The following BABAM2 variants were observed in gnomAD, a reference collection of about 807,000 sequenced individuals.
The protein encoded by BABAM2 is BRISC and BRCA1-A complex member 2.
A neutral mutation model predicts 54.7 loss-of-function variants in BABAM2; 31 were observed. That is an observed-to-expected ratio of 0.57 (90% CI 0.43 to 0.77). The LOEUF is 0.77. Among genes scored for constraint, BABAM2 ranks in the 30% least tolerant of loss-of-function variants. The pLI, the probability that BABAM2 is intolerant of heterozygous loss-of-function variation, is 0.00. For missense variants in BABAM2, 364 were observed against 455.8 expected (o/e 0.80, Z 1.83); for synonymous variants, 167 against 162.9 (o/e 1.03, Z -0.19).
intron 7 of BABAM2, among the ~76,000 whole-genome samples, chr2:28,189,199 C>CAAA (rs78120565): frequency 7.3e-6 from 1 of 136,474 alleles, no homozygotes. Flanking sequence ...GACTCCCTCT[C>CAAA]AAAAAAAAAA....
intron 6 of BABAM2, among the ~76,000 whole-genome samples, chr2:28,069,005 G>A (rs1663882076): frequency 6.6e-6 from 1 of 152,124 alleles, no homozygotes; most frequent in African/African-American, 2.4e-5. Flanking sequence ...TCAGGATAAT[G>A]GAGACTCCTG....
intron 10 of BABAM2, among the ~76,000 whole-genome samples, chr2:28,277,287 G>A (rs1214714670): frequency 2.6e-5 from 4 of 151,970 alleles, no homozygotes; most frequent in Admixed American, 2.6e-4. Context: ...TGTATTTTTA[G>A]TGCAGACAGG....
intron 10 of BABAM2, among the ~76,000 whole-genome samples, chr2:28,281,080 G>T (rs1686317675): frequency 6.6e-6 from 1 of 152,018 alleles, no homozygotes; most frequent in South Asian, 2.1e-4. Flanking sequence ...CTGTGTATAT[G>T]AACTTCAACT....
chr2:28,285,749 T>A (rs1382178257), intron 10 of BABAM2, among the ~76,000 whole-genome samples: 1 of 151,594 alleles, frequency 6.6e-6, no homozygotes, highest in Non-Finnish European at 1.5e-5. Flanking sequence ...TTTTTTTTTT[T>A]AATGGAAACG....
intron 4 of BABAM2, among the ~76,000 whole-genome samples, chr2:27,996,742 G>A (rs1206177998): frequency 1.3e-5 from 2 of 152,030 alleles, no homozygotes; most frequent in Non-Finnish European, 2.9e-5. Flanking sequence ...CCTCCCTCCT[G>A]TACCCTAAAT....
At chr2:28,116,759 C>G (rs1668649760) in intron 6 of BABAM2, among the ~76,000 whole-genome samples, 1 of 152,212 alleles carries the variant, frequency 6.6e-6, no homozygotes, top group African/African-American at 2.4e-5. Flanking sequence ...GAGCACCTTC[C>G]TCATGCCTGG....
upstream of BABAM2, among the ~76,000 whole-genome samples, chr2:27,889,304 G>A (rs1202125924): frequency 6.6e-6 from 1 of 152,108 alleles, no homozygotes; most frequent in Non-Finnish European, 1.5e-5. Flanking sequence ...TTAGTTCCAC[G>A]TTCTCTATTA....
rs977679212 is a variant in BABAM2 at position 27,936,966 on chromosome 2, TA to T, written c.205+7066del. Among the ~76,000 whole-genome samples, 291 of 151,480 alleles carry T rather than the reference TA, an allele frequency of 1.9e-3. 2 individuals carry two copies. Among genetic ancestry groups the T allele is most frequent in the African/African-American group, 6.7e-3 (277 of 41,156 alleles). Reference sequence around the variant, plus strand: ...AGTATAATAATAATAACAAATAAATTAAAAAAAATAAAATCAGGTATTATCA... The same window carrying T: ...AGTATAATAATAATAACAAATAAATTAAAAAAATAAAATCAGGTATTATCA... On this transcript the variant is annotated intron_variant, in intron 3 of 11. Coordinates refer to ENST00000379624, the MANE Select transcript of BABAM2 (RefSeq NM_199191.3).
intron 3 of BABAM2, among the ~76,000 whole-genome samples, chr2:27,936,581 A>C (rs1182208616): frequency 6.6e-6 from 1 of 152,240 alleles, no homozygotes; most frequent in Non-Finnish European, 1.5e-5. Context: ...GGATTAAGAA[A>C]ATGTGGCACA....
In BABAM2 at chr2:28,000,342, T is replaced by C. The variant is rs553256035; in HGVS notation, c.300+12255T>C. ...GCAGAGTAACTGGCCAGGTATTTTA[T>C]AGAATGTCACTCAGTTGGGATTTGT... On this transcript the variant is annotated intron_variant, in intron 4 of 11. Coordinates refer to ENST00000379624, the MANE Select transcript of BABAM2 (RefSeq NM_199191.3). Among the ~76,000 whole-genome samples the C allele has an allele frequency of 2.1e-3, 318 of 152,310 alleles. 1 individual carries two copies. The highest frequency in any genetic ancestry group is 7.2e-3 in the African/African-American group (301 of 41,570).
At chr2:28,308,598 G>A (rs955197748) in intron 11 of BABAM2, 1 of 424,894 alleles carries the variant, frequency 2.4e-6, no homozygotes, top group African/African-American at 2.0e-5. Context: ...AATCCAGCTA[G>A]TTGATTCTAT....
chr2:28,168,409 C>G (rs1673945508), intron 7 of BABAM2, among the ~76,000 whole-genome samples: 1 of 152,186 alleles, frequency 6.6e-6, no homozygotes, highest in South Asian at 2.1e-4. Flanking sequence ...CCATAGCCTA[C>G]TTCTTCTGGA....
chr2:28,304,543 T>C lies in BABAM2; in HGVS notation c.1088+6052T>C, dbSNP rs7579786. ...CTAAATTCACTTATTACTACTAAAA[T>C]CTAATAGATTTTTTAAATAGATTTC... On this transcript the variant is annotated intron_variant, in intron 11 of 11. Coordinates refer to ENST00000379624, the MANE Select transcript of BABAM2 (RefSeq NM_199191.3). The surrounding 1 kb of genome is among the most constrained non-coding windows in gnomAD (Gnocchi z 4.0). 1.6e-3 allele frequency among the ~76,000 whole-genome samples: 238 copies of C among 151,978 alleles called. 1 individual carries two copies. Among genetic ancestry groups the C allele is most frequent in the African/African-American group, 5.5e-3 (229 of 41,498 alleles).
At chr2:28,218,386 A>G (rs1341784818) in intron 7 of BABAM2, among the ~76,000 whole-genome samples, 1 of 152,210 alleles carries the variant, frequency 6.6e-6, no homozygotes, top group African/African-American at 2.4e-5. Context: ...GCCAGATCAC[A>G]CATTGTCTTT....
chr2:28,105,052 T>TG (rs373760794), intron 6 of BABAM2, among the ~76,000 whole-genome samples: 4,311 of 80,394 alleles, frequency 0.054, 106 homozygotes, highest in African/African-American at 0.12. Flanking sequence ...GGTGGGGGGA[T>TG]GGGGGAGGGA....
At chr2:27,897,036 T>G (rs7602272) in intron 2 of BABAM2, 154,828 of 154,974 alleles carry the variant, frequency 1, 77,341 homozygotes, top group Middle Eastern at 1. Context: ...GTGCATGTCA[T>G]TGTCTTGTCA....
At chr2:28,266,856 G>A (rs547332695) in intron 10 of BABAM2, among the ~76,000 whole-genome samples, 46 of 152,336 alleles carry the variant, frequency 3.0e-4, no homozygotes, top group African/African-American at 1.0e-3. Flanking sequence ...ACATGTAGGT[G>A]TAAGAAATAG....
At chr2:28,138,177 C>T (rs1192844174) in intron 7 of BABAM2, among the ~76,000 whole-genome samples, 1 of 152,138 alleles carries the variant, frequency 6.6e-6, no homozygotes, top group Non-Finnish European at 1.5e-5. Context: ...TTAACAAAAA[C>T]ATTGAGCAAA....
intron 2 of BABAM2, among the ~76,000 whole-genome samples, chr2:27,920,044 G>A (rs529414675): frequency 3.5e-4 from 53 of 152,146 alleles, no homozygotes; most frequent in Admixed American, 9.8e-4. Context: ...ATTTTTTCTA[G>A]GAGGGTCTAG....
Sources: gnomAD v4.1 joint callset for allele counts (sites outside exome capture counted in the v4.1 genomes callset) on GRCh38, gnomAD v4.1.1 for gene constraint, Gnocchi (gnomAD v3.1) non-coding constraint, MANE v1.5 for transcripts, NCBI Gene and HGNC (gene_info 2026-07-23, HGNC 2026-07-21) for gene names.